HEATR3: variants seen among roughly 807,000 people sequenced by gnomAD.
The protein encoded by HEATR3 is HEAT repeat-containing protein 3.
A neutral mutation model predicts 72.8 loss-of-function variants in HEATR3; 56 were observed. The ratio of observed to expected loss-of-function variants is 0.77; its 90% CI spans 0.62 to 0.96. The LOEUF (loss-of-function observed/expected upper bound fraction) is 0.96. Ranked by LOEUF, HEATR3 falls within the 40% of genes least tolerant of loss-of-function variation. The pLI is 0.00. For synonymous variants in HEATR3, 331 were observed against 318.1 expected (o/e 1.04, Z -0.43); for missense variants, 747 against 831.4 (o/e 0.90, Z 1.25).
chr16:50,101,683 T>A (rs1426826357), intron 13 of HEATR3, among the ~76,000 whole-genome samples: 1 of 152,210 alleles, frequency 6.6e-6, no homozygotes, highest in Non-Finnish European at 1.5e-5. Context: ...ATTTGTTTTT[T>A]TATCCTTGTA....
At position 50,105,069 on chromosome 16, in the gene HEATR3, A is replaced by G. The variant is rs2037453534; in HGVS notation, c.*8A>G. 6.2e-7 allele frequency: 1 copy of G among 1,607,678 alleles called. No individual in the cohort carries two copies. ...AAAAGACTGACTTCTTAAACAATCC[A>G]AAAAAGAAACCAGTTCTTCCCCCAA... On this transcript the variant is annotated 3_prime_UTR_variant, in exon 15 of 15. Transcript: ENST00000299192.
At position 50,086,225 on chromosome 16, in the gene HEATR3, A is replaced by G. The variant is rs747092154; in HGVS notation, c.1384A>G (p.Ile462Val). The G allele has an allele frequency of 1.5e-5, 24 of 1,578,326 alleles. No individual in the cohort carries two copies. Among genetic ancestry groups the G allele is most frequent in the Non-Finnish European group, 1.9e-5 (22 of 1,160,922 alleles). ...WKPLIRKMNT[I>V]QCRALFCLQS... ...TCACTTCCTTTCCAGAATGAACACT[A>G]TTCAGTGCAGAGCCCTCTTCTGTCT... is the stretch of plus-strand genomic sequence containing the variant. The change falls in exon 11 of 15, where the codon ATT (isoleucine) becomes GTT (valine). Residue 462 changes from isoleucine to valine, a missense_variant. Around this residue, in one of 2 missense-constraint regions of HEATR3, gnomAD observed 586 missense variants for 708.8 expected, o/e 0.83. Transcript: ENST00000299192.
At chr16:50,075,837 T>G (rs2036716188) in intron 6 of HEATR3, 126 bp downstream of exon 6, 3 of 756,150 alleles carry the variant, frequency 4.0e-6, no homozygotes, top group African/African-American at 3.5e-5. Context: ...TTCTGAAAAT[T>G]TTAATATCTG....
In HEATR3 at chr16:50,104,980, G is replaced by C; in HGVS notation, c.1962G>C (p.Leu654=). Residue 654 remains leucine (L), a synonymous_variant, in exon 15 of 15, where the codon CTG becomes CTC. Coordinates refer to ENST00000299192, the MANE Select transcript of HEATR3 (RefSeq NM_182922.4). The part of the protein sequence containing the change: ...EGRGNYSTDQ[L]CVLDNVKMNL... ...GAGGTAACTATAGCACAGATCAGCTGTGTGTTCTTGACAATGTGAAAATGA... is the reference window on the plus strand; with the variant it reads ...GAGGTAACTATAGCACAGATCAGCTCTGTGTTCTTGACAATGTGAAAATGA... The C allele has an allele frequency of 6.2e-7, 1 of 1,612,710 alleles. No homozygotes were observed. The highest frequency in any genetic ancestry group is 8.5e-7 in the Non-Finnish European group (1 of 1,179,622).
intron 5 of HEATR3, 83 bp from the exon 6 acceptor site, chr16:50,075,488 A>G (rs769081076): frequency 8.6e-5 from 110 of 1,272,522 alleles, no homozygotes; most frequent in South Asian, 5.1e-4. Context: ...TAATGATACA[A>G]TGTTTTATTG....
At chr16:50,103,089 T>G (rs2150631285) in intron 14 of HEATR3, among the ~76,000 whole-genome samples, 2 of 152,288 alleles carry the variant, frequency 1.3e-5, no homozygotes, top group South Asian at 4.2e-4. Flanking sequence ...TTACAGTCCT[T>G]TAAATTTCTG....
intron 7 of HEATR3, 103 bp from the exon 8 acceptor site, chr16:50,083,834 C>A: frequency 1.0e-6 from 1 of 994,200 alleles, no homozygotes; most frequent in Non-Finnish European, 1.5e-6. Flanking sequence ...GTGCTCTATT[C>A]CAAGCGCAAA....
At position 50,066,207 on chromosome 16, in the gene HEATR3, G is replaced by A; in HGVS notation, c.76G>A (p.Ala26Thr). 1 of 1,581,332 alleles carries A rather than the reference G, an allele frequency of 6.3e-7. No individual in the cohort carries two copies. The highest frequency in any genetic ancestry group is 8.6e-7 in the Non-Finnish European group (1 of 1,165,122). ...PTGDCQAEAA[A>T]AANGTGGEED... ...GGGCGACTGTCAGGCCGAGGCGGCT[G>A]CGGCGGCGAATGGGACCGGAGGCGA... is the stretch of plus-strand genomic sequence containing the variant. The change falls in exon 1 of 15, where the codon GCG becomes ACG. Residue 26 changes from alanine to threonine, a missense_variant. This residue lies in a region of HEATR3 where 161 missense variants were observed against 122.6 expected (regional missense o/e 1.31). Transcript: ENST00000299192.
intron 14 of HEATR3, 82 bp downstream of exon 14, chr16:50,102,517 T>C: frequency 7.9e-7 from 1 of 1,264,532 alleles, no homozygotes; most frequent in Non-Finnish European, 1.1e-6. Flanking sequence ...GCTGTGCAAC[T>C]CAGAAGCATG....
chr16:50,088,130 A>C lies in HEATR3; in HGVS notation c.1510+1779A>C, dbSNP rs111473011. Among the ~76,000 whole-genome samples, 491 of 152,328 alleles carry C rather than the reference A, an allele frequency of 3.2e-3. 3 individuals are homozygous for C. The highest frequency in any genetic ancestry group is 0.01 in the African/African-American group (432 of 41,564). On this transcript the variant is annotated intron_variant, in intron 11 of 14. Transcript: ENST00000299192. ...CAACAAGAGTGAAACTCCGTTTCAAAAAAAATCAAAAGAGAGTCACTTTTA... is the reference window on the plus strand; with the variant it reads ...CAACAAGAGTGAAACTCCGTTTCAACAAAAATCAAAAGAGAGTCACTTTTA...
chr16:50,080,501 C>T (rs916656443), intron 7 of HEATR3, among the ~76,000 whole-genome samples: 15 of 152,086 alleles, frequency 9.9e-5, no homozygotes, highest in Middle Eastern at 3.4e-3. Context: ...TCACCACACC[C>T]GGCCAACTTG....
At chr16:50,100,823 G>A (rs1471788169) in intron 13 of HEATR3, 1 of 199,358 alleles carries the variant, frequency 5.0e-6, no homozygotes, top group African/African-American at 2.4e-5. Context: ...TAAATTTTAA[G>A]CAGCAACCCT....
In HEATR3 at chr16:50,066,079, C is replaced by A. The variant is rs1033704643; in HGVS notation, c.-53C>A. 2.6e-6 allele frequency: 4 copies of A among 1,538,894 alleles called. No homozygotes were observed. The highest frequency in any genetic ancestry group is 3.5e-6 in the Non-Finnish European group (4 of 1,145,056). On this transcript the variant is annotated 5_prime_UTR_variant, in exon 1 of 15. Transcript: ENST00000299192. ...TTGTTAACGGCGCGGCAGCCTCCAC[C>A]GCCTGCTGTTGCCCTCCTCTCTCGG...
chr16:50,092,436 C>CTTTTTTCTTTTTTTTTT, intron 11 of HEATR3, among the ~76,000 whole-genome samples: 1 of 106,030 alleles, frequency 9.4e-6, no homozygotes, highest in Non-Finnish European at 1.8e-5. Flanking sequence ...TTTCTTTTTT[C>CTTTTTTCTTTTTTTTTT]TTTTTTTTTT....
chr16:50,092,873 A>G (rs1229151968), intron 11 of HEATR3, among the ~76,000 whole-genome samples: 1 of 152,228 alleles, frequency 6.6e-6, no homozygotes, highest in Non-Finnish European at 1.5e-5. Flanking sequence ...GTATAAATAA[A>G]TGTTTTATGT....
At chr16:50,084,444 G>A (rs1381065958) in intron 9 of HEATR3, 125 bp from the exon 10 acceptor site, 4 of 1,143,566 alleles carry the variant, frequency 3.5e-6, no homozygotes, top group South Asian at 1.5e-5. Context: ...CTGGAAATAG[G>A]CGAAAAGGTC....
At position 50,106,706 on chromosome 16, in the gene HEATR3, A is replaced by G. The variant is rs1193639549; in HGVS notation, c.*1645A>G. 1 of 152,152 alleles carries G rather than the reference A, an allele frequency of 6.6e-6. No individual in the cohort carries two copies. The highest frequency in any genetic ancestry group is 1.5e-5 in the Non-Finnish European group (1 of 68,032). The allele number at this position is 152,152 out of a possible 1,614,324, so 9.4% of individuals were successfully genotyped here. A position where few individuals can be genotyped will look rare whatever the true frequency, so the allele number is the denominator to read the frequency against. ...TGTACAGTTGATCTCAGTTGCCCTG[A>G]CAAAAGGCCCAATCCCCAGTACAGG... On this transcript the variant is annotated 3_prime_UTR_variant, in exon 15 of 15. Coordinates refer to ENST00000299192, the MANE Select transcript of HEATR3 (RefSeq NM_182922.4).
chr16:50,103,428 G>T (rs1416454957), intron 14 of HEATR3, among the ~76,000 whole-genome samples: 3 of 152,214 alleles, frequency 2.0e-5, no homozygotes, highest in Admixed American at 6.5e-5. Flanking sequence ...CACAATTTGT[G>T]TTAAAGGCTA....
At chr16:50,079,524 G>A (rs1033933265) in intron 7 of HEATR3, among the ~76,000 whole-genome samples, 2 of 152,150 alleles carry the variant, frequency 1.3e-5, no homozygotes. Context: ...TCTTGGAGTC[G>A]GTGATGGTGG....
Sources: allele counts gnomAD v4.1 joint callset (sites outside exome capture counted in the v4.1 genomes callset), GRCh38; gene constraint gnomAD v4.1.1; regional missense constraint gnomAD v4.1.1; transcripts MANE v1.5; gene names NCBI Gene and HGNC (gene_info 2026-07-23, HGNC 2026-07-21).